The following ORC3 variants were observed in gnomAD, a reference collection of about 807,000 sequenced individuals.
ORC3 encodes the protein homolog of latheo, Drosophila.
Under a neutral mutation model 100.7 loss-of-function variants are expected in ORC3, and 78 were observed. The ratio of observed to expected loss-of-function variants is 0.77; its 90% CI spans 0.65 to 0.94. The LOEUF is 0.94. ORC3 is among the 40% of genes least tolerant of loss of function. ORC3 has a pLI of 0.00. For missense variants in ORC3, 789 were observed against 823.9 expected, an observed-to-expected ratio of 0.96 and a Z score of 0.52; for synonymous variants, 295 against 289.3, an observed-to-expected ratio of 1.02 and a Z score of -0.20.
At chr6:87,629,693 G>A (rs34154420) in intron 11 of ORC3, among the ~76,000 whole-genome samples, 11 of 152,100 alleles carry the variant, frequency 7.2e-5, no homozygotes, top group South Asian at 6.2e-4. Flanking sequence ...TTTCTCTGCC[G>A]TCACCCCTCC....
intron 2 of ORC3, among the ~76,000 whole-genome samples, chr6:87,597,534 G>T (rs963937033): frequency 7.2e-5 from 11 of 152,044 alleles, no homozygotes; most frequent in African/African-American, 2.7e-4. Context: ...ATTAATTCCA[G>T]TGGAAAAATT....
At chr6:87,620,347 A>C (rs996548425) in intron 9 of ORC3, among the ~76,000 whole-genome samples, 1 of 152,200 alleles carries the variant, frequency 6.6e-6, no homozygotes, top group South Asian at 2.1e-4. Flanking sequence ...GTTGCTTTCT[A>C]TTTTGTACTT....
chr6:87,644,738 A>G (rs1768617917), intron 13 of ORC3, among the ~76,000 whole-genome samples: 1 of 151,950 alleles, frequency 6.6e-6, no homozygotes, highest in East Asian at 1.9e-4. Flanking sequence ...AATTCCAGCT[A>G]CTCTGGAGAC....
chr6:87,630,768 C>G (rs1463476930), intron 11 of ORC3, among the ~76,000 whole-genome samples: 5 of 151,984 alleles, frequency 3.3e-5, no homozygotes, highest in Admixed American at 6.6e-5. Flanking sequence ...GCTTGCCACT[C>G]AAGAATCTGG....
chr6:87,623,044 C>T (rs989393225), intron 11 of ORC3, among the ~76,000 whole-genome samples: 20 of 152,006 alleles, frequency 1.3e-4, no homozygotes, highest in African/African-American at 4.8e-4. Flanking sequence ...GTAATACATA[C>T]GATTTTCAGA....
intron 13 of ORC3, among the ~76,000 whole-genome samples, chr6:87,637,006 T>C (rs1282127658): frequency 6.6e-6 from 1 of 152,226 alleles, no homozygotes; most frequent in Non-Finnish European, 1.5e-5. Flanking sequence ...AATATACAAG[T>C]AAATAAAATA....
chr6:87,674,302 C>CAGAA, the ORC3 span, among the ~76,000 whole-genome samples: 1 of 87,160 alleles, frequency 1.1e-5, no homozygotes, highest in Admixed American at 1.4e-4. Flanking sequence ...AACTCTATCT[C>CAGAA]AAAAAAAAAA....
the ORC3 span, chr6:87,675,758 AT>A: frequency 6.9e-7 from 1 of 1,457,048 alleles, no homozygotes; most frequent in Non-Finnish European, 9.5e-7. Flanking sequence ...ATTCTCAGTA[AT>A]TTTGTTGAAT....
intron 11 of ORC3, among the ~76,000 whole-genome samples, chr6:87,624,177 T>C (rs1180302652): frequency 6.6e-6 from 1 of 151,952 alleles, no homozygotes; most frequent in African/African-American, 2.4e-5. Flanking sequence ...AGACAGAAAG[T>C]GTCTAAGAAA....
chr6:87,656,493 C>T (rs1416239545), intron 14 of ORC3, among the ~76,000 whole-genome samples: 3 of 152,050 alleles, frequency 2.0e-5, no homozygotes, highest in African/African-American at 4.8e-5. Context: ...GAGGCTGAGG[C>T]AGGAGAAGCA....
At chr6:87,675,977 T>A in the ORC3 span, 3 of 1,516,174 alleles carry the variant, frequency 2.0e-6, no homozygotes, top group African/African-American at 4.2e-5. Context: ...AATGCCTTAT[T>A]AGAGCCAGAT....
At chr6:87,641,955 A>G (rs1000240537) in intron 13 of ORC3, among the ~76,000 whole-genome samples, 4 of 152,186 alleles carry the variant, frequency 2.6e-5, no homozygotes, top group Admixed American at 6.6e-5. Context: ...CTAACTTATG[A>G]TGATGTAGAT....
At chr6:87,639,536 G>A (rs1345199951) in intron 13 of ORC3, among the ~76,000 whole-genome samples, 2 of 152,146 alleles carry the variant, frequency 1.3e-5, no homozygotes, top group Non-Finnish European at 2.9e-5. Context: ...GCCTTCTGCA[G>A]CCTGGGGACT....
At chr6:87,648,026 C>T (rs941863622) in intron 13 of ORC3, among the ~76,000 whole-genome samples, 3 of 152,022 alleles carry the variant, frequency 2.0e-5, no homozygotes, top group South Asian at 2.1e-4. Flanking sequence ...ATGGTAAAAC[C>T]GCCTGTCTAC....
At chr6:87,628,625 A>C (rs1780092411) in intron 11 of ORC3, among the ~76,000 whole-genome samples, 1 of 152,252 alleles carries the variant, frequency 6.6e-6, no homozygotes, top group Admixed American at 6.5e-5. Context: ...TTCAAAAATG[A>C]AGAACTGCAG....
At chr6:87,623,374 A>AT (rs1355539791) in intron 11 of ORC3, among the ~76,000 whole-genome samples, 2 of 152,200 alleles carry the variant, frequency 1.3e-5, no homozygotes, top group African/African-American at 4.8e-5. Context: ...CTGGGAAGAA[A>AT]TTTAAGAACT....
intron 8 of ORC3, among the ~76,000 whole-genome samples, chr6:87,612,694 C>G (rs1024320493): frequency 1.7e-4 from 26 of 152,196 alleles, no homozygotes; most frequent in Admixed American, 7.9e-4. Context: ...TCACTGCAAC[C>G]TCTGCCTCCC....
chr6:87,665,870 C>A, intron 19 of ORC3, 37 bp downstream of exon 19: 3 of 1,230,558 alleles, frequency 2.4e-6, no homozygotes, highest in Non-Finnish European at 3.6e-6. Flanking sequence ...TGTCCAACTA[C>A]ACATAAAATA....
intron 16 of ORC3, among the ~76,000 whole-genome samples, chr6:87,662,461 C>G (rs1770261227): frequency 1.3e-5 from 2 of 152,096 alleles, no homozygotes; most frequent in East Asian, 3.9e-4. Context: ...ACAAAAAAAC[C>G]CCACAACTTT....
Sources: allele counts gnomAD v4.1 joint callset (sites outside exome capture counted in the v4.1 genomes callset), GRCh38; gene constraint gnomAD v4.1.1; transcripts MANE v1.5; gene names NCBI Gene and HGNC (gene_info 2026-07-23, HGNC 2026-07-21).